CABP2: variants seen among roughly 807,000 people sequenced by gnomAD.
The protein encoded by CABP2 is calcium binding protein 2.
Under a neutral mutation model 28.6 loss-of-function variants are expected in CABP2, and 25 were observed. The observed-to-expected ratio is 0.87, with a 90% CI of 0.64 to 1.22. CABP2 has a LOEUF of 1.22. Among genes scored for constraint, CABP2 ranks in the 50% most tolerant of loss-of-function variants. The pLI is 0.00. For missense variants in CABP2, 310 were observed against 312.2 expected, an observed-to-expected ratio of 0.99 and a Z score of 0.05; for synonymous variants, 138 against 126.0, an observed-to-expected ratio of 1.09 and a Z score of -0.64.
At chr11:67,522,945 T>G (rs1483225077) in intron 1 of CABP2, among the ~76,000 whole-genome samples, 1 of 152,262 alleles carries the variant, frequency 6.6e-6, no homozygotes, top group Non-Finnish European at 1.5e-5. Flanking sequence ...GGCAAGAGAC[T>G]TGGCCAAGGC....
Position 67,520,179 on chromosome 11 carries a change from A to G in CABP2, c.380-19T>C, listed in dbSNP as rs747750141. ...CCGCCACCTGGGGGTCCCGTCCATT[A>G]CAGACCCAGGGCATCAGAGACCCCT... On this transcript the variant is annotated intron_variant, in intron 4 of 6. Transcript: ENST00000294288. 2 of 1,561,354 alleles carry G rather than the reference A, an allele frequency of 1.3e-6. No individual in the cohort carries two copies. The highest frequency in any genetic ancestry group is 1.8e-6 in the Non-Finnish European group (2 of 1,132,476).
At chr11:67,521,693 A>C (rs1693100788) in intron 3 of CABP2, among the ~76,000 whole-genome samples, 1 of 152,202 alleles carries the variant, frequency 6.6e-6, no homozygotes, top group African/African-American at 2.4e-5. Context: ...TGTCAGCTGA[A>C]TGAACAAATA....
chr11:67,523,286 T>C lies in CABP2; in HGVS notation c.41A>G (p.Lys14Arg), dbSNP rs1392580370. 1.3e-6 allele frequency: 2 copies of C among 1,554,586 alleles called. No individual in the cohort carries two copies. Among genetic ancestry groups the C allele is most frequent in the Admixed American group, 3.9e-5 (2 of 51,684 alleles). Residue 14 changes from lysine (K) to arginine (R), a missense_variant and splice_region_variant, in exon 1 of 7, where the codon AAG becomes AGG. Lys to Arg is a conservative substitution (Grantham distance 26). Coordinates refer to ENST00000294288, the MANE Select transcript of CABP2 (RefSeq NM_016366.3). ...GGTTTCTCCCCTGACCCCTCCTACCTTAGGGCCCCGGCGCCAGGGCCGCTT... is the reference window on the plus strand; with the variant it reads ...GGTTTCTCCCCTGACCCCTCCTACCCTAGGGCCCCGGCGCCAGGGCCGCTT... ...CAKRPWRRGP[K>R]DPLQWLGSPP...
chr11:67,520,475 T>C (rs941703010), intron 4 of CABP2, among the ~76,000 whole-genome samples: 4 of 151,984 alleles, frequency 2.6e-5, no homozygotes, highest in African/African-American at 4.8e-5. Flanking sequence ...CTGACTAACA[T>C]GGTGAAACCC....
Position 67,523,375 on chromosome 11 carries a change from G to T in CABP2, c.-49C>A, listed in dbSNP as rs539886687. On this transcript the variant is annotated 5_prime_UTR_variant, in exon 1 of 7. Coordinates refer to ENST00000294288, the MANE Select transcript of CABP2 (RefSeq NM_016366.3). ...GGAACCCCGGGGGTGGCCCGGGTGG[G>T]CCTCGGCGGATGCTGCTGCCTGAGG... 63 of 1,518,868 alleles carry T rather than the reference G, an allele frequency of 4.1e-5. 2 individuals are homozygous for T. The highest frequency in any genetic ancestry group is 4.4e-6 in the Non-Finnish European group (5 of 1,130,260). The allele number at this position is 1,518,868 out of a possible 1,614,324, so 94.1% of individuals were successfully genotyped here.
rs1245941531 is a variant in CABP2, at chr11:67,521,035, T to C, written c.369A>G (p.Ser123=). The change falls in exon 4 of 7, where the codon TCA becomes TCG. Residue 123 remains serine, a synonymous_variant. Coordinates refer to ENST00000294288, the MANE Select transcript of CABP2 (RefSeq NM_016366.3). ...GTCCGAGGCACATACTGATTTGTTG[T>C]GAGATCTCGATGAGCTCCATCTCGG... The part of the protein sequence containing the change: ...MPTEMELIEI[S]QQISGGKVDF... The C allele has an allele frequency of 3.7e-6, 6 of 1,613,694 alleles. No homozygotes were observed. The highest frequency in any genetic ancestry group is 1.3e-5 in the African/African-American group (1 of 74,880).
chr11:67,522,691 G>T lies in CABP2; in HGVS notation c.68C>A (p.Pro23Gln), dbSNP rs991383929. 4.0e-6 allele frequency: 6 copies of T among 1,516,640 alleles called. No homozygotes were observed. 93.9% of individuals were successfully genotyped at this position (1,516,640 alleles called of 1,614,324 possible). Residue 23 changes from proline to glutamine, a missense_variant, in exon 2 of 7, where the codon CCA becomes CAA. Transcript: ENST00000294288. ...GGGGCTGGGGCAGGAGCCCCTTGGT[G>T]GGGAGCCGAGCCACTGCAAGGGGTC... ...PKDPLQWLGSPPRGSCPSPSS... is the reference protein window; with the variant it reads ...PKDPLQWLGSQPRGSCPSPSS...
rs774793813 is a variant in CABP2, at chr11:67,520,096, C to G, written c.444G>C (p.Thr148=). The change falls in exon 5 of 7, where the codon ACG becomes ACC. Residue 148 remains threonine, a synonymous_variant. Transcript: ENST00000294288. Reference sequence around the variant, plus strand: ...GCTCCCGGACACCGATCATGTCTGCCGTCTCTGCCAGCAGCTTGGGGCCCA... The same window carrying G: ...GCTCCCGGACACCGATCATGTCTGCGGTCTCTGCCAGCAGCTTGGGGCCCA... ...ELMGPKLLAE[T]ADMIGVRELR... is the part of the protein sequence containing the mutation. 13 of 1,613,730 alleles carry G rather than the reference C, an allele frequency of 8.1e-6. No individual in the cohort carries two copies. The African/African-American group carries it at 1.1e-4, about 13-fold the overall frequency.
At position 67,520,137 on chromosome 11, in the gene CABP2, C is replaced by A. The variant is rs766408316; in HGVS notation, c.403G>T (p.Asp135Tyr). ...TTGGGGCCCATCAGCTCCACGAAGT[C>A]TTCAAAGTCCACCTTTCCGCCACCT... ...QISGGKVDFEDFVELMGPKLL... is the reference protein window; with the variant it reads ...QISGGKVDFEYFVELMGPKLL... Residue 135 changes from aspartate to tyrosine, a missense_variant, in exon 5 of 7, where the codon GAC becomes TAC. Coordinates refer to ENST00000294288, the MANE Select transcript of CABP2 (RefSeq NM_016366.3). 2 of 1,613,970 alleles carry A rather than the reference C, an allele frequency of 1.2e-6. No homozygotes were observed. The highest frequency in any genetic ancestry group is 1.7e-6 in the Non-Finnish European group (2 of 1,179,914).
At chr11:67,520,194 C>G in intron 4 of CABP2, 34 bp from the exon 5 acceptor site, 1 of 1,426,696 alleles carries the variant, frequency 7.0e-7, no homozygotes, top group Non-Finnish European at 9.9e-7. Context: ...CCCAGGGCAT[C>G]AGAGACCCCT....
intron 3 of CABP2, 84 bp downstream of exon 3, chr11:67,521,868 A>G: frequency 5.3e-5 from 20 of 374,244 alleles, no homozygotes; most frequent in East Asian, 1.9e-4. Context: ...CCCCCACCCG[A>G]TGCCCCCCCA....
intron 1 of CABP2, among the ~76,000 whole-genome samples, chr11:67,522,921 T>C (rs1866771113): frequency 6.6e-6 from 1 of 152,196 alleles, no homozygotes; most frequent in South Asian, 2.1e-4. Context: ...TTGGGCAAAC[T>C]GAGGACCAGA....
In CABP2 at chr11:67,522,730, G is replaced by C. The variant is rs1162691289; in HGVS notation, c.43-14C>G. 6.8e-7 allele frequency: 1 copy of C among 1,468,348 alleles called. No individual in the cohort carries two copies. The highest frequency in any genetic ancestry group is 9.0e-7 in the Non-Finnish European group (1 of 1,107,336). 91.0% of individuals were successfully genotyped at this position (1,468,348 alleles called of 1,614,324 possible). On this transcript the variant is annotated splice_polypyrimidine_tract_variant and intron_variant, in intron 1 of 6. Coordinates refer to ENST00000294288, the MANE Select transcript of CABP2 (RefSeq NM_016366.3). ...CTGCAAGGGGTCCTGCAGCAGAGCC[G>C]GCCGTGAGCTGGGGCAGTGGCCGCT...
rs1437200121 is a variant in CABP2, at chr11:67,523,426, C to T, written c.-100G>A. 6.7e-6 allele frequency: 9 copies of T among 1,346,604 alleles called. No homozygotes were observed. The highest frequency in any genetic ancestry group is 3.1e-5 in the Admixed American group (1 of 32,528). 83.4% of individuals were successfully genotyped at this position (1,346,604 alleles called of 1,614,324 possible). A position where few individuals can be genotyped will look rare whatever the true frequency, so the allele number is the denominator to read the frequency against. Reference sequence around the variant, plus strand: ...ACTCCTGCCAGCCCCCAGCTGCTCCCGATGAGAGCCTGGGAGTACTGCCGG... The same window carrying T: ...ACTCCTGCCAGCCCCCAGCTGCTCCTGATGAGAGCCTGGGAGTACTGCCGG... On this transcript the variant is annotated 5_prime_UTR_variant, in exon 1 of 7. Coordinates refer to ENST00000294288, the MANE Select transcript of CABP2 (RefSeq NM_016366.3).
At chr11:67,523,152 G>GA (rs1186248686) in intron 1 of CABP2, 133 bp downstream of exon 1, 69 of 697,616 alleles carry the variant, frequency 9.9e-5, no homozygotes, top group Non-Finnish European at 1.6e-4. Context: ...TGGCTTCCAG[G>GA]AAAAAAATCT....
intron 2 of CABP2, 54 bp downstream of exon 2, chr11:67,522,492 C>CT: frequency 1.3e-6 from 2 of 1,541,672 alleles, no homozygotes; most frequent in Non-Finnish European, 1.8e-6. Context: ...GGCAGGTGAG[C>CT]TGGTGGGAGA....
intron 1 of CABP2, 88 bp downstream of exon 1, chr11:67,523,197 C>T (rs749295927): frequency 1.4e-5 from 16 of 1,107,594 alleles, no homozygotes; most frequent in Middle Eastern, 2.0e-4. Flanking sequence ...CAACCCCGCC[C>T]GGCCCTCGGA....
intron 4 of CABP2, 99 bp from the exon 5 acceptor site, chr11:67,520,259 C>G (rs994323308): frequency 1.4e-6 from 1 of 720,198 alleles, no homozygotes; most frequent in African/African-American, 1.7e-5. Flanking sequence ...TGAATGGATC[C>G]TTTCCTCCCT....
At chr11:67,519,449 T>C (rs375802718) in intron 6 of CABP2, among the ~76,000 whole-genome samples, 1 of 152,216 alleles carries the variant, frequency 6.6e-6, no homozygotes, top group East Asian at 1.9e-4. Flanking sequence ...CATTTCCACA[T>C]AGTAATTTTC....
Sources: gnomAD v4.1 joint callset for allele counts (sites outside exome capture counted in the v4.1 genomes callset) on GRCh38, gnomAD v4.1.1 for gene constraint, MANE v1.5 for transcripts, NCBI Gene and HGNC (gene_info 2026-07-23, HGNC 2026-07-21) for gene names.